Variants in MYZAP observed in about 807,000 individuals in gnomAD.
The protein encoded by MYZAP is GRINL1A complex locus upstream.
A neutral mutation model predicts 69.4 loss-of-function variants in MYZAP; 66 were observed. The observed-to-expected ratio is 0.95, with a 90% CI of 0.78 to 1.17. The LOEUF (loss-of-function observed/expected upper bound fraction) is 1.17, where lower values mean the gene tolerates loss of function less well. Among genes scored for constraint, MYZAP ranks in the 50% most tolerant of loss-of-function variants. The pLI is 0.00. For synonymous variants in MYZAP, 256 were observed against 205.9 expected (o/e 1.24, Z -2.09); for missense variants, 611 against 556.2 (o/e 1.10, Z -0.99).
intron 10 of MYZAP, among the ~76,000 whole-genome samples, chr15:57,657,681 T>C (rs2038074529): frequency 6.6e-6 from 1 of 152,234 alleles, no homozygotes; most frequent in Non-Finnish European, 1.5e-5. Flanking sequence ...ACCTTATTTC[T>C]CTCTATTATA....
chr15:57,680,141 T>A (rs1323155572), intron 12 of MYZAP, among the ~76,000 whole-genome samples: 1 of 152,168 alleles, frequency 6.6e-6, no homozygotes, highest in Non-Finnish European at 1.5e-5. Flanking sequence ...CGCCTTTTCA[T>A]ATTTCTGTGG....
intron 1 of MYZAP, among the ~76,000 whole-genome samples, chr15:57,598,854 T>C (rs1254256788): frequency 6.6e-6 from 1 of 152,196 alleles, no homozygotes. Context: ...TCTGCTGTTG[T>C]TATGATGGTG....
At chr15:57,627,786 G>C (rs147491541) in intron 5 of MYZAP, among the ~76,000 whole-genome samples, 454 of 152,198 alleles carry the variant, frequency 3.0e-3, no homozygotes, top group African/African-American at 9.9e-3. Context: ...GAAAAATCCT[G>C]GTCTCTTGGA....
chr15:57,593,074 T>C (rs1364785034), intron 1 of MYZAP, among the ~76,000 whole-genome samples: 8 of 152,088 alleles, frequency 5.3e-5, no homozygotes, highest in African/African-American at 1.9e-4. Flanking sequence ...CCTTATAAGC[T>C]GTCTTTCTTA....
chr15:57,624,402 G>A (rs1293263414), intron 4 of MYZAP, among the ~76,000 whole-genome samples: 1 of 152,122 alleles, frequency 6.6e-6, no homozygotes, highest in Admixed American at 6.5e-5. Flanking sequence ...CCCATTTCTT[G>A]ATTATAGGAG....
At position 57,684,953 on chromosome 15, in the gene MYZAP, G is replaced by T. The variant is rs1338241494; in HGVS notation, c.*455G>T. 6.5e-6 allele frequency: 1 copy of T among 153,528 alleles called. No individual in the cohort carries two copies. Among genetic ancestry groups the T allele is most frequent in the Admixed American group, 6.5e-5 (1 of 15,436 alleles). The allele number at this position is 153,528 out of a possible 1,614,324, so 9.5% of individuals were successfully genotyped here. On this transcript the variant is annotated 3_prime_UTR_variant, in exon 13 of 13. Coordinates refer to ENST00000267853, the MANE Select transcript of MYZAP (RefSeq NM_001018100.5). ...CTGATACAGAGAGGCCTGTCCACAA[G>T]AAGCATGGGCACCCAGCCAAACTTG...
At chr15:57,648,265 T>A in intron 10 of MYZAP, 1 of 985,310 alleles carries the variant, frequency 1.0e-6, no homozygotes, top group Non-Finnish European at 1.2e-6. Flanking sequence ...GTTTCGGTAT[T>A]CACAATATAA....
rs1223053531 is a variant in MYZAP, at chr15:57,606,143, C to T, written c.162+1788C>T. 8.5e-5 allele frequency among the ~76,000 whole-genome samples: 13 copies of T among 152,070 alleles called. 1 individual carries two copies. The highest frequency in any genetic ancestry group is 8.5e-4 in the Admixed American group (13 of 15,258). On this transcript the variant is annotated intron_variant, in intron 2 of 12. Transcript: ENST00000267853. ...ATTGTAGGATATTCTCAAAGTATCA[C>T]CCCAGCGGATTACTGATTCTAAAGG...
At chr15:57,623,499 G>A (rs533081071) in intron 4 of MYZAP, among the ~76,000 whole-genome samples, 11 of 152,282 alleles carry the variant, frequency 7.2e-5, no homozygotes, top group African/African-American at 1.4e-4. Flanking sequence ...TTGGGAGGCC[G>A]AGGCAGGTGG....
At chr15:57,648,187 G>A in intron 10 of MYZAP, 1 of 985,184 alleles carries the variant, frequency 1.0e-6, no homozygotes, top group Non-Finnish European at 1.2e-6. Context: ...CACAATTGTG[G>A]CAGCCTTTTT....
chr15:57,602,044 T>C (rs369174573), intron 1 of MYZAP, among the ~76,000 whole-genome samples: 33 of 152,158 alleles, frequency 2.2e-4, no homozygotes, highest in Non-Finnish European at 4.0e-4. Context: ...TTTTTGGGTG[T>C]TGGGTTTCTT....
chr15:57,629,874 A>G lies in MYZAP; in HGVS notation c.678+20A>G, dbSNP rs1676264022. 1 of 1,605,596 alleles carries G rather than the reference A, an allele frequency of 6.2e-7. No homozygotes were observed. Among genetic ancestry groups the G allele is most frequent in the Non-Finnish European group, 8.5e-7 (1 of 1,177,572 alleles). On this transcript the variant is annotated intron_variant, in intron 6 of 12. Coordinates refer to ENST00000267853, the MANE Select transcript of MYZAP (RefSeq NM_001018100.5). ...ATGAAGGTGGAGTATAAAAGCCTAGATTTATTTTCTATGAACTTTTCTCCT... is the reference window on the plus strand; with the variant it reads ...ATGAAGGTGGAGTATAAAAGCCTAGGTTTATTTTCTATGAACTTTTCTCCT...
chr15:57,659,997 C>A (rs1479001192), intron 10 of MYZAP, among the ~76,000 whole-genome samples: 1 of 152,160 alleles, frequency 6.6e-6, no homozygotes, highest in Non-Finnish European at 1.5e-5. Flanking sequence ...ACCTGTTTTA[C>A]ATCAAAGCGA....
intron 10 of MYZAP, chr15:57,646,754 G>T (rs2037467498): frequency 1.0e-6 from 1 of 985,600 alleles, no homozygotes; most frequent in East Asian, 1.1e-4. Context: ...CTCATCTTAG[G>T]ACTCTTCTAA....
intron 2 of MYZAP, among the ~76,000 whole-genome samples, chr15:57,605,720 A>G (rs769676461): frequency 6.6e-6 from 1 of 152,204 alleles, no homozygotes; most frequent in Non-Finnish European, 1.5e-5. Flanking sequence ...GAGTTCCACT[A>G]AAAAGATCCA....
At chr15:57,636,312 G>A (rs1425775302) in intron 8 of MYZAP, among the ~76,000 whole-genome samples, 1 of 152,124 alleles carries the variant, frequency 6.6e-6, no homozygotes, top group Non-Finnish European at 1.5e-5. Flanking sequence ...CAAAACCCCA[G>A]TCAAAGTTGA....
At chr15:57,609,718 CATT>C (rs1181884921) in intron 2 of MYZAP, among the ~76,000 whole-genome samples, 5 of 152,090 alleles carry the variant, frequency 3.3e-5, no homozygotes, top group African/African-American at 1.2e-4. Flanking sequence ...CATTAAAAAT[CATT>C]AATAATATGG....
At chr15:57,648,132 A>G (rs2037541720) in intron 10 of MYZAP, 1 of 981,130 alleles carries the variant, frequency 1.0e-6, no homozygotes, top group Admixed American at 6.2e-5. Flanking sequence ...TTATTTTAAA[A>G]TCTTAGACAA....
chr15:57,648,773 C>T (rs1456893285), intron 10 of MYZAP, among the ~76,000 whole-genome samples: 1 of 146,474 alleles, frequency 6.8e-6, no homozygotes, highest in Admixed American at 6.9e-5. Flanking sequence ...CATTTTGGCA[C>T]ACTTGTTTCT....
Sources: allele counts gnomAD v4.1 joint callset (sites outside exome capture counted in the v4.1 genomes callset), GRCh38; gene constraint gnomAD v4.1.1; transcripts MANE v1.5; gene names NCBI Gene and HGNC (gene_info 2026-07-23, HGNC 2026-07-21).